EIPR1: variants seen among roughly 807,000 people sequenced by gnomAD.
EIPR1 encodes the protein EARP and GARP complex-interacting protein 1.
A neutral mutation model predicts 48.1 loss-of-function variants in EIPR1; 25 were observed. The observed-to-expected ratio is 0.52, with a 90% confidence interval of 0.38 to 0.73. The LOEUF (loss-of-function observed/expected upper bound fraction) is 0.73. Ranked by LOEUF, EIPR1 falls within the 30% of genes least tolerant of loss-of-function variation. The pLI, the probability that EIPR1 is intolerant of heterozygous loss-of-function variation, is 0.00. For missense variants in EIPR1, 415 were observed against 506.2 expected (o/e 0.82, Z 1.73); for synonymous variants, 204 against 201.9 (o/e 1.01, Z -0.09).
rs1659700896 is a variant in EIPR1, at chr2:3,372,508, G to C, written c.42+5140C>G. Among the ~76,000 whole-genome samples the C allele has an allele frequency of 3.9e-5, 6 of 152,260 alleles. No homozygotes were observed. The South Asian group carries it at 1.2e-3, about 32-fold the overall frequency. ...AGCAAGACTAATAAAGAAAAAAAGA[G>C]AAGAATCAAATAGACGCAATAAAAA... On this transcript the variant is annotated intron_variant, in intron 1 of 8. Transcript: ENST00000382125.
chr2:3,352,103 G>A (rs966521856), intron 2 of EIPR1, among the ~76,000 whole-genome samples: 2 of 82,686 alleles, frequency 2.4e-5, no homozygotes, highest in South Asian at 4.9e-4. Context: ...TGTCTGTTCC[G>A]GACACCTTTG....
rs553218808 is a variant in EIPR1 at position 3,277,977 on chromosome 2, C to A, written c.260-20522G>T. ...GGGGCACAAGCCAGTCAGGGCTGCA[C>A]CAGCACTCCCATTTCAGGGCCCCAG... On this transcript the variant is annotated intron_variant, in intron 3 of 8. Transcript: ENST00000382125. 2.6e-5 allele frequency among the ~76,000 whole-genome samples: 4 copies of A among 152,322 alleles called. No homozygotes were observed. In the East Asian group the frequency reaches 5.8e-4, roughly 22 times the overall value.
chr2:3,305,324 TC>T (rs1482671962), intron 3 of EIPR1, among the ~76,000 whole-genome samples: 3 of 134,762 alleles, frequency 2.2e-5, no homozygotes, highest in African/African-American at 5.7e-5. Context: ...TCCACTCCCG[TC>T]CAGTTCAGCC....
At chr2:3,283,528 C>A (rs1440883231) in intron 3 of EIPR1, among the ~76,000 whole-genome samples, 1 of 134,262 alleles carries the variant, frequency 7.4e-6, no homozygotes, top group South Asian at 2.3e-4. Context: ...AAGTGATGCA[C>A]CACGTTCACA....
At chr2:3,210,280 G>A (rs867243352) in intron 5 of EIPR1, among the ~76,000 whole-genome samples, 9 of 152,188 alleles carry the variant, frequency 5.9e-5, no homozygotes, top group South Asian at 2.1e-4. Context: ...CCACCTCCAC[G>A]TTTCAGGAGC....
At chr2:3,250,411 C>G (rs1666966860) in intron 4 of EIPR1, among the ~76,000 whole-genome samples, 1 of 152,216 alleles carries the variant, frequency 6.6e-6, no homozygotes, top group African/African-American at 2.4e-5. Context: ...TACCTAATGC[C>G]TGCACCCCCA....
chr2:3,342,318 A>G (rs1670275917), intron 2 of EIPR1, among the ~76,000 whole-genome samples: 1 of 152,256 alleles, frequency 6.6e-6, no homozygotes, highest in East Asian at 1.9e-4. Context: ...GATATAGCAA[A>G]TTAGAAGTAA....
rs1432643041 is a variant in EIPR1, at chr2:3,286,538, T to G, written c.260-29083A>C. Among the ~76,000 whole-genome samples, 1 of 152,216 alleles carries G rather than the reference T, an allele frequency of 6.6e-6. No homozygotes were observed. Among genetic ancestry groups the G allele is most frequent in the South Asian group, 2.1e-4 (1 of 4,834 alleles). ...CAGGGAAAGGCTGAGGCATCAGGCT[T>G]CGGGCTGTGTCTACCTTGGTGACTC... On this transcript the variant is annotated intron_variant, in intron 3 of 8. Coordinates refer to ENST00000382125, the MANE Select transcript of EIPR1 (RefSeq NM_003310.5). This position sits in a 1 kb window ranked among gnomAD's most constrained non-coding sequence, Gnocchi z 4.2.
intron 3 of EIPR1, among the ~76,000 whole-genome samples, chr2:3,310,419 C>A (rs1422574289): frequency 6.7e-6 from 1 of 149,508 alleles, no homozygotes. Flanking sequence ...TTTGGGAGGC[C>A]GAGGTGGGCG....
chr2:3,353,243 C>T (rs760466758), intron 2 of EIPR1: 4 of 471,074 alleles, frequency 8.5e-6, no homozygotes, highest in Non-Finnish European at 1.8e-5. Context: ...TCTTGGAACA[C>T]ATCCCCTGTG....
At chr2:3,294,349 C>A (rs1368715479) in intron 3 of EIPR1, among the ~76,000 whole-genome samples, 1 of 146,588 alleles carries the variant, frequency 6.8e-6, no homozygotes, top group Non-Finnish European at 1.5e-5. Flanking sequence ...ATCTTCTCTG[C>A]ACACATACAC....
chr2:3,217,229 G>A (rs1033444605), intron 4 of EIPR1, among the ~76,000 whole-genome samples: 3 of 152,198 alleles, frequency 2.0e-5, no homozygotes, highest in Non-Finnish European at 4.4e-5. Context: ...AGGGCAGTTC[G>A]TTTTGGATGG....
At chr2:3,193,968 T>TC in intron 7 of EIPR1, 31 bp downstream of exon 7, 1 of 1,610,734 alleles carries the variant, frequency 6.2e-7, no homozygotes, top group Non-Finnish European at 8.5e-7. Context: ...CGTAATCCCC[T>TC]CCTCCCTGAA....
intron 3 of EIPR1, among the ~76,000 whole-genome samples, chr2:3,260,220 T>C (rs760286898): frequency 2.2e-4 from 33 of 152,282 alleles, no homozygotes; most frequent in Middle Eastern, 6.8e-3. Flanking sequence ...TGGCCGGGCA[T>C]GGTGGCTCAC....
intron 4 of EIPR1, among the ~76,000 whole-genome samples, chr2:3,241,934 G>C (rs1268281448): frequency 3.3e-5 from 5 of 152,172 alleles, no homozygotes; most frequent in African/African-American, 7.2e-5. Flanking sequence ...ACGTGGGGTG[G>C]GGATAACTCT....
intron 3 of EIPR1, among the ~76,000 whole-genome samples, chr2:3,272,716 T>C (rs1234967161): frequency 1.3e-5 from 2 of 152,162 alleles, no homozygotes; most frequent in Admixed American, 1.3e-4. Flanking sequence ...TTTGAAATAT[T>C]GTGAGATTAT....
At chr2:3,196,742 T>C (rs868022783) in intron 6 of EIPR1, 139 bp downstream of exon 6, 12 of 1,301,962 alleles carry the variant, frequency 9.2e-6, no homozygotes, top group African/African-American at 3.0e-5. Flanking sequence ...TGAAGATTTA[T>C]GATTTCCTAC....
chr2:3,324,872 C>T (rs540739465), intron 3 of EIPR1, among the ~76,000 whole-genome samples: 1 of 152,340 alleles, frequency 6.6e-6, no homozygotes, highest in East Asian at 1.9e-4. Context: ...AGGCTGGGGT[C>T]AGTGGCGCCT....
Position 3,361,135 on chromosome 2 carries a change from T to A in EIPR1, c.43-6502A>T, listed in dbSNP as rs1269701065. Among the ~76,000 whole-genome samples the A allele has an allele frequency of 2.6e-5, 4 of 152,282 alleles. No homozygotes were observed. The East Asian group carries it at 7.7e-4, about 29-fold the overall frequency. ...TCCAGGAGAACTGAGGTGATGATGC[T>A]CTATTTCTGAGAGCCCAGAAGCCCT... On this transcript the variant is annotated intron_variant, in intron 1 of 8. Coordinates refer to ENST00000382125, the MANE Select transcript of EIPR1 (RefSeq NM_003310.5).
Sources: gnomAD v4.1 joint callset for allele counts (sites outside exome capture counted in the v4.1 genomes callset) on GRCh38, gnomAD v4.1.1 for gene constraint, Gnocchi (gnomAD v3.1) non-coding constraint, MANE v1.5 for transcripts, NCBI Gene and HGNC (gene_info 2026-07-23, HGNC 2026-07-21) for gene names.